SPINK5: variants seen among roughly 807,000 people sequenced by gnomAD.
SPINK5 encodes serine protease inhibitor Kazal-type 5.
Under a neutral mutation model 151.8 loss-of-function variants are expected in SPINK5, and 125 were observed. The observed-to-expected ratio is 0.82, with a 90% CI of 0.71 to 0.96. The LOEUF (loss-of-function observed/expected upper bound fraction) is 0.96, where lower values mean the gene tolerates loss of function less well. Ranked by LOEUF, SPINK5 falls within the 40% of genes least tolerant of loss-of-function variation. The pLI is 0.00. For synonymous variants in SPINK5, 374 were observed against 395.3 expected (o/e 0.95, Z 0.64); for missense variants, 1,194 against 1,291.9 (o/e 0.92, Z 1.16).
chr5:148,134,357 C>T (rs536003763), intron 32 of SPINK5, among the ~76,000 whole-genome samples: 6 of 152,238 alleles, frequency 3.9e-5, no homozygotes, highest in Non-Finnish European at 8.8e-5. Context: ...TTTCAACGTA[C>T]GTTACTGAAT....
intron 8 of SPINK5, among the ~76,000 whole-genome samples, 190 bp from the exon 9 acceptor site, chr5:148,094,164 T>C (rs1020019177): frequency 6.6e-6 from 1 of 151,742 alleles, no homozygotes; most frequent in African/African-American, 2.4e-5. Flanking sequence ...GGTGTGGTGG[T>C]GCATGTCTGT....
chr5:148,124,690 GA>G, intron 27 of SPINK5, 74 bp from the exon 28 acceptor site: 1 of 1,191,296 alleles, frequency 8.4e-7, no homozygotes. Context: ...TAGAATCGCA[GA>G]AATACTTGGT....
In SPINK5 at chr5:148,137,354, C is replaced by G. The variant is rs572074949; in HGVS notation, c.*363C>G. 20 of 320,148 alleles carry G rather than the reference C, an allele frequency of 6.2e-5. 2 individuals carry two copies. The South Asian group carries it at 7.1e-4, about 11-fold the overall frequency. 19.8% of individuals were successfully genotyped at this position (320,148 alleles called of 1,614,324 possible). On this transcript the variant is annotated 3_prime_UTR_variant, in exon 33 of 33. Coordinates refer to ENST00000256084, the MANE Select transcript of SPINK5 (RefSeq NM_006846.4). ...TGCTTTTAAAGAAACTGAATAAACT[C>G]TACCCTTTTGTCTTTTTGTGTTGCT...
At chr5:148,125,508 T>C (rs1378398892) in intron 28 of SPINK5, 1 of 1,610,426 alleles carries the variant, frequency 6.2e-7, no homozygotes, top group Non-Finnish European at 8.5e-7. Flanking sequence ...GTTTTATGTT[T>C]CCCTACATTT....
At chr5:148,100,214 G>A (rs1364391411) in intron 12 of SPINK5, among the ~76,000 whole-genome samples, 1 of 151,972 alleles carries the variant, frequency 6.6e-6, no homozygotes, top group East Asian at 1.9e-4. Context: ...GATTATAGTG[G>A]AATTTGCTTA....
At chr5:148,108,889 C>T in intron 18 of SPINK5, 52 bp downstream of exon 18, 1 of 1,604,600 alleles carries the variant, frequency 6.2e-7, no homozygotes, top group Non-Finnish European at 8.5e-7. Context: ...ATCACTCTCC[C>T]TAGGGAGGGC....
chr5:148,120,557 G>A (rs571422402), intron 26 of SPINK5, among the ~76,000 whole-genome samples, 166 bp downstream of exon 26: 1 of 152,296 alleles, frequency 6.6e-6, no homozygotes, highest in South Asian at 2.1e-4. Flanking sequence ...ATGCTCTTCA[G>A]TTCCCCAGGA....
intron 4 of SPINK5, among the ~76,000 whole-genome samples, chr5:148,077,639 A>G (rs1354436560): frequency 1.4e-5 from 2 of 140,644 alleles, no homozygotes; most frequent in African/African-American, 5.1e-5. Flanking sequence ...TTTATCAGGT[A>G]TATATATATA....
At chr5:148,125,612 C>G in intron 28 of SPINK5, 111 bp from the exon 29 acceptor site, 1 of 1,614,178 alleles carries the variant, frequency 6.2e-7, no homozygotes, top group Non-Finnish European at 8.5e-7. Context: ...AGGATGAGTA[C>G]AGTGAGTCTG....
At chr5:148,133,348 A>G (rs565342275) in intron 31 of SPINK5, among the ~76,000 whole-genome samples, 1 of 152,348 alleles carries the variant, frequency 6.6e-6, no homozygotes, top group Admixed American at 6.5e-5. Context: ...TTCTCCAGTG[A>G]GAGGCATTAA....
At chr5:148,088,669 C>A in intron 6 of SPINK5, 64 bp downstream of exon 6, 1 of 1,507,934 alleles carries the variant, frequency 6.6e-7, no homozygotes, top group Non-Finnish European at 9.2e-7. Flanking sequence ...TAAGTAGGTG[C>A]TCTCCTCTTC....
rs1752935173 is a variant in SPINK5, at chr5:148,078,277, A to C, written c.282+6057A>C. Among the ~76,000 whole-genome samples, 4 of 151,178 alleles carry C rather than the reference A, an allele frequency of 2.6e-5. No homozygotes were observed. In the South Asian group the frequency reaches 8.3e-4, roughly 31 times the overall value. The stretch of plus-strand genomic sequence containing the variant: ...TGTATACACACCTAATAGAGGCTCC[A>C]AATTTATATAACAAAAAATGCTATA... On this transcript the variant is annotated intron_variant, in intron 4 of 32. Coordinates refer to ENST00000256084, the MANE Select transcript of SPINK5 (RefSeq NM_006846.4).
chr5:148,105,839 G>A lies in SPINK5; in HGVS notation c.1479+839G>A, dbSNP rs935023435. Among the ~76,000 whole-genome samples the A allele has an allele frequency of 4.7e-5, 7 of 148,332 alleles. 1 individual carries two copies. Among genetic ancestry groups the A allele is most frequent in the Admixed American group, 4.0e-4 (6 of 14,838 alleles). On this transcript the variant is annotated intron_variant, in intron 16 of 32. Transcript: ENST00000256084. ...GGGTTTCACCATGTTGACCAGGCTG[G>A]TCTCAAACTCCTGACCTCAAGTGAT...
At chr5:148,105,066 A>G in intron 16 of SPINK5, 66 bp downstream of exon 16, 2 of 1,497,204 alleles carry the variant, frequency 1.3e-6, no homozygotes, top group Non-Finnish European at 1.8e-6. Flanking sequence ...TTCTTTACTT[A>G]TCCTATTAGA....
chr5:148,077,764 A>G (rs1334064262), intron 4 of SPINK5, among the ~76,000 whole-genome samples: 1 of 150,352 alleles, frequency 6.7e-6, no homozygotes, highest in African/African-American at 2.4e-5. Context: ...TTTGTAATAA[A>G]TTAAGGTGCA....
At chr5:148,073,947 A>C (rs570629981) in intron 4 of SPINK5, among the ~76,000 whole-genome samples, 1 of 151,474 alleles carries the variant, frequency 6.6e-6, no homozygotes, top group East Asian at 2.0e-4. Flanking sequence ...TACATAACCA[A>C]GTAGTAACTT....
intron 14 of SPINK5, 91 bp from the exon 15 acceptor site, chr5:148,101,690 C>G (rs565280440): frequency 6.9e-6 from 11 of 1,584,848 alleles, no homozygotes; most frequent in African/African-American, 1.3e-5. Flanking sequence ...TGCTAATCCT[C>G]GTTTAAGAAA....
chr5:148,072,150 A>G lies in SPINK5; in HGVS notation c.212A>G (p.Glu71Gly). 1 of 1,611,446 alleles carries G rather than the reference A, an allele frequency of 6.2e-7. No individual in the cohort carries two copies. Among genetic ancestry groups the G allele is most frequent in the Non-Finnish European group, 8.5e-7 (1 of 1,178,086 alleles). Reference protein sequence around the residue: ...NKCATCKMILEKEAKSQKRAR... With the variant: ...NKCATCKMILGKEAKSQKRAR... ...TGCTATTTCTTGTCCTTTTCCAGGGAAAAAGAAGCAAAATCACAGAAGAGG... is the reference window on the plus strand; with the variant it reads ...TGCTATTTCTTGTCCTTTTCCAGGGGAAAAGAAGCAAAATCACAGAAGAGG... The change falls in exon 4 of 33, where the codon GAA becomes GGA. Residue 71 changes from glutamate to glycine, a missense_variant and splice_region_variant. Transcript: ENST00000256084.
chr5:148,064,217 A>T, intron 1 of SPINK5, 118 bp downstream of exon 1: 1 of 1,033,890 alleles, frequency 9.7e-7, no homozygotes, highest in Non-Finnish European at 1.5e-6. Context: ...TAATCCTGAA[A>T]TGTCTTGCCA....
Sources: allele counts gnomAD v4.1 joint callset (sites outside exome capture counted in the v4.1 genomes callset), GRCh38; gene constraint gnomAD v4.1.1; transcripts MANE v1.5; gene names NCBI Gene and HGNC (gene_info 2026-07-23, HGNC 2026-07-21).